KIT: variants seen among roughly 807,000 people sequenced by gnomAD.
KIT encodes the protein KIT proto-oncogene, receptor tyrosine kinase, also known as mast/stem cell growth factor receptor Kit.
KIT carries 16 observed loss-of-function variants against 105.7 expected under a neutral mutation model. The observed-to-expected ratio is 0.15, with a 90% CI of 0.10 to 0.23. The LOEUF is 0.23. Among genes scored for constraint, KIT ranks in the 10% least tolerant of loss-of-function variants. KIT has a pLI of 1.00. For missense variants in KIT, 858 were observed against 1,213.8 expected (o/e 0.71, Z 4.36); for synonymous variants, 438 against 441.1 (o/e 0.99, Z 0.09).
Position 54,662,436 on chromosome 4 carries a change from T to A in KIT, c.67+4355T>A, listed in dbSNP as rs57935475. On this transcript the variant is annotated intron_variant, in intron 1 of 20. Coordinates refer to ENST00000288135, the MANE Select transcript of KIT (RefSeq NM_000222.3). ...AAATGTGTTGCTACATGTAAAACTT[T>A]TAGAGTGGTGCCTCATAGTACAGGC... Among the ~76,000 whole-genome samples the A allele has an allele frequency of 6.2e-3, 939 of 152,362 alleles. 11 individuals are homozygous for A. Among genetic ancestry groups the A allele is most frequent in the African/African-American group, 0.022 (896 of 41,576 alleles).
intron 3 of KIT, 117 bp downstream of exon 3, chr4:54,698,682 C>T (rs1273242247): frequency 2.6e-6 from 3 of 1,136,778 alleles, no homozygotes; most frequent in Non-Finnish European, 1.3e-6. Flanking sequence ...GTTCATAGTT[C>T]CCCCAGCTTC....
intron 8 of KIT, among the ~76,000 whole-genome samples, chr4:54,724,142 C>T (rs578246907): frequency 5.9e-5 from 9 of 152,276 alleles, no homozygotes; most frequent in Admixed American, 3.9e-4. Flanking sequence ...TGCAAGCGAC[C>T]GCTTTTAAAA....
chr4:54,658,195 C>CGCA, intron 1 of KIT, 114 bp downstream of exon 1: 1 of 1,060,294 alleles, frequency 9.4e-7, no homozygotes, highest in Non-Finnish European at 1.4e-6. Flanking sequence ...CCTCAGTGCC[C>CGCA]GTGCGTTCCA....
At chr4:54,673,507 T>G (rs1297666390) in intron 1 of KIT, among the ~76,000 whole-genome samples, 2 of 152,238 alleles carry the variant, frequency 1.3e-5, no homozygotes, top group African/African-American at 4.8e-5. Flanking sequence ...AATCTTCATT[T>G]TCTTCAATCA....
chr4:54,718,645 C>T (rs192587473), intron 7 of KIT, among the ~76,000 whole-genome samples: 1 of 152,106 alleles, frequency 6.6e-6, no homozygotes, highest in Non-Finnish European at 1.5e-5. Flanking sequence ...GTATCTCGCC[C>T]TTTATAGTAA....
intron 7 of KIT, among the ~76,000 whole-genome samples, chr4:54,716,438 T>G (rs575802819): frequency 1.3e-5 from 2 of 152,316 alleles, no homozygotes; most frequent in South Asian, 4.1e-4. Context: ...TCAAGTTTTA[T>G]TTTTACTTTT....
Position 54,727,292 on chromosome 4 carries a change from A to C in KIT, c.1615A>C (p.Ile539Leu), listed in dbSNP as rs1476093811. 1 of 1,614,154 alleles carries C rather than the reference A, an allele frequency of 6.2e-7. No individual in the cohort carries two copies. The highest frequency in any genetic ancestry group is 2.2e-5 in the East Asian group (1 of 44,880). The change falls in exon 10 of 21, where the codon ATT (isoleucine) becomes CTT (leucine). Residue 539 changes from isoleucine to leucine, a missense_variant. Physicochemically the swap from Ile to Leu is conservative, Grantham distance 5. Around this residue, in one of 7 missense-constraint regions of KIT, gnomAD observed 78 missense variants for 77.6 expected, o/e 1.01. Coordinates refer to ENST00000288135, the MANE Select transcript of KIT (RefSeq NM_000222.3). ...FVIVAGMMCI[I>L]VMILTYKYLQ... The stretch of plus-strand genomic sequence containing the variant: ...AATCGTAGCTGGCATGATGTGCATT[A>C]TTGTGATGATTCTGACCTACAAATA...
intron 1 of KIT, among the ~76,000 whole-genome samples, chr4:54,679,952 C>T (rs1718783178): frequency 6.6e-6 from 1 of 152,080 alleles, no homozygotes; most frequent in African/African-American, 2.4e-5. Context: ...TATGAGGTAC[C>T]TAGAATAATG....
At chr4:54,696,417 G>A (rs906169601) in intron 2 of KIT, among the ~76,000 whole-genome samples, 2 of 152,180 alleles carry the variant, frequency 1.3e-5, no homozygotes, top group Admixed American at 6.5e-5. Flanking sequence ...ATGCTGGGCA[G>A]GGGTGTATCT....
At chr4:54,723,055 C>T (rs989484976) in intron 7 of KIT, among the ~76,000 whole-genome samples, 1 of 151,738 alleles carries the variant, frequency 6.6e-6, no homozygotes, top group Non-Finnish European at 1.5e-5. Context: ...TAGAGTGATT[C>T]GGCTTTTAAT....
intron 17 of KIT, among the ~76,000 whole-genome samples, chr4:54,735,366 CAAAAAAAAAAAAGAA>C (rs1459657001): frequency 2.3e-5 from 2 of 86,266 alleles, no homozygotes; most frequent in African/African-American, 6.9e-5. Flanking sequence ...ACTTTAACAC[CAAAAAAAAAAAAGAA>C]AAAAAAAAAA....
chr4:54,666,151 G>A lies in KIT; in HGVS notation c.67+8070G>A, dbSNP rs141939736. 2.8e-4 allele frequency among the ~76,000 whole-genome samples: 43 copies of A among 152,328 alleles called. No individual in the cohort carries two copies. The East Asian group carries it at 7.9e-3, about 28-fold the overall frequency. ...TTATTAAGCCTGGAGAAGATAAGGT[G>A]AGGGAAGGTTTAGTGAATGACAGTC... On this transcript the variant is annotated intron_variant, in intron 1 of 20. Coordinates refer to ENST00000288135, the MANE Select transcript of KIT (RefSeq NM_000222.3).
At chr4:54,694,817 T>C (rs1315928722) in intron 1 of KIT, among the ~76,000 whole-genome samples, 1 of 152,216 alleles carries the variant, frequency 6.6e-6, no homozygotes, top group East Asian at 1.9e-4. Flanking sequence ...GAGGCATGCA[T>C]GGCTGAATGA....
intron 13 of KIT, 163 bp from the exon 14 acceptor site, chr4:54,729,172 T>A: frequency 1.4e-6 from 1 of 702,714 alleles, no homozygotes; most frequent in East Asian, 2.7e-5. Flanking sequence ...AAGGCTGCTT[T>A]TTTGATAAGC....
intron 1 of KIT, among the ~76,000 whole-genome samples, chr4:54,663,701 C>A (rs1029156740): frequency 2.6e-5 from 4 of 152,056 alleles, no homozygotes; most frequent in Admixed American, 1.3e-4. Context: ...TGAATAAGTA[C>A]ATGTAGTTCA....
rs1480687968 is a variant in KIT, at chr4:54,739,502, A to C, written c.*945A>C. 2 of 233,398 alleles carry C rather than the reference A, an allele frequency of 8.6e-6. No individual in the cohort carries two copies. Among genetic ancestry groups the C allele is most frequent in the African/African-American group, 2.2e-5 (1 of 45,336 alleles). 14.5% of individuals were successfully genotyped at this position (233,398 alleles called of 1,614,324 possible). On this transcript the variant is annotated 3_prime_UTR_variant, in exon 21 of 21. Coordinates refer to ENST00000288135, the MANE Select transcript of KIT (RefSeq NM_000222.3). ...TTCAGAATGGCATTGTACTCAATGGATTTGATGCTGTTTGACAAAGTTACT... is the reference window on the plus strand; with the variant it reads ...TTCAGAATGGCATTGTACTCAATGGCTTTGATGCTGTTTGACAAAGTTACT...
intron 1 of KIT, among the ~76,000 whole-genome samples, chr4:54,685,917 A>G (rs1033360037): frequency 2.6e-5 from 4 of 152,140 alleles, no homozygotes; most frequent in Non-Finnish European, 2.9e-5. Context: ...GCTCAGTTCT[A>G]CATAATACTC....
intron 7 of KIT, among the ~76,000 whole-genome samples, chr4:54,712,861 C>T (rs1721246754): frequency 6.6e-6 from 1 of 152,150 alleles, no homozygotes. Flanking sequence ...TGACCTCAAG[C>T]TCTTCAGAAA....
At chr4:54,709,617 T>C (rs1172597331) in intron 7 of KIT, 78 bp downstream of exon 7, 1 of 845,648 alleles carries the variant, frequency 1.2e-6, no homozygotes, top group Non-Finnish European at 2.0e-6. Flanking sequence ...CTGCAAGGAC[T>C]CAACTTGTGT....
Sources: gnomAD v4.1 joint callset for allele counts (sites outside exome capture counted in the v4.1 genomes callset) on GRCh38, gnomAD v4.1.1 for gene constraint, gnomAD v4.1.1 regional missense constraint, MANE v1.5 for transcripts, NCBI Gene and HGNC (gene_info 2026-07-23, HGNC 2026-07-21) for gene names.